VPS37A: variants seen among roughly 807,000 people sequenced by gnomAD.
VPS37A encodes the protein VPS37A subunit of ESCRT-I.
A neutral mutation model predicts 49.8 loss-of-function variants in VPS37A; 30 were observed. The observed-to-expected ratio is 0.60, with a 90% CI of 0.45 to 0.82. The LOEUF is 0.82. VPS37A is among the 40% of genes least tolerant of loss of function. The pLI, the probability that VPS37A is intolerant of heterozygous loss-of-function variation, is 0.00. For synonymous variants in VPS37A, 195 were observed against 160.6 expected, an observed-to-expected ratio of 1.21 and a Z score of -1.62; for missense variants, 593 against 464.4, an observed-to-expected ratio of 1.28 and a Z score of -2.55.
chr8:17,247,233 G>A lies in VPS37A; in HGVS notation c.-12G>A. The A allele has an allele frequency of 6.4e-7, 1 of 1,566,342 alleles. No homozygotes were observed. Among genetic ancestry groups the A allele is most frequent in the South Asian group, 1.2e-5 (1 of 85,144 alleles). On this transcript the variant is annotated 5_prime_UTR_variant, in exon 1 of 12. Coordinates refer to ENST00000324849, the MANE Select transcript of VPS37A (RefSeq NM_152415.3). ...AGCCTTCCAGGGCCTCCGGCCCGTG[G>A]ACCCGAGGAGGATGAGCTGGCTTTT...
chr8:17,296,063 A>AAACT lies in VPS37A; in HGVS notation c.*1080_*1083dup, dbSNP rs1816604555. The AAACT allele has an allele frequency of 6.6e-6, 1 of 152,230 alleles. No homozygotes were observed. The highest frequency in any genetic ancestry group is 2.4e-5 in the African/African-American group (1 of 41,454). 9.4% of individuals were successfully genotyped at this position (152,230 alleles called of 1,614,324 possible). On this transcript the variant is annotated 3_prime_UTR_variant, in exon 12 of 12. Coordinates refer to ENST00000324849, the MANE Select transcript of VPS37A (RefSeq NM_152415.3). ...TAAGGTGCCATCTAAATTACAAAAC[A>AAACT]AACTAATGCATAATTTTGCTTAAAT...
downstream of VPS37A, chr8:17,300,148 G>T (rs1447571023): frequency 6.2e-7 from 1 of 1,614,004 alleles, no homozygotes; most frequent in Non-Finnish European, 8.5e-7. Flanking sequence ...AGAAAACCCT[G>T]AGTGCTTGCT....
intron 1 of VPS37A, among the ~76,000 whole-genome samples, chr8:17,252,694 T>C (rs1365532644): frequency 1.3e-5 from 2 of 152,190 alleles, no homozygotes; most frequent in East Asian, 3.9e-4. Flanking sequence ...TTCACTAGTT[T>C]GCAATTCACT....
At chr8:17,275,941 C>CCTCAAGGAT (rs1479818652) in intron 5 of VPS37A, among the ~76,000 whole-genome samples, 2 of 152,096 alleles carry the variant, frequency 1.3e-5, no homozygotes, top group Admixed American at 1.3e-4. Context: ...TTTCAAGGGT[C>CCTCAAGGAT]CTCAAGGATA....
intron 9 of VPS37A, among the ~76,000 whole-genome samples, chr8:17,282,157 T>G (rs970039186): frequency 6.6e-6 from 1 of 152,078 alleles, no homozygotes; most frequent in Non-Finnish European, 1.5e-5. Flanking sequence ...TAAATCCTCA[T>G]TATTTAAAAC....
chr8:17,305,795 G>C, downstream of VPS37A: 3 of 1,613,532 alleles, frequency 1.9e-6, no homozygotes, highest in Non-Finnish European at 8.5e-7. Context: ...TACATAGGAA[G>C]TTTCCAAACT....
At chr8:17,262,276 T>G (rs1365155714) in intron 1 of VPS37A, among the ~76,000 whole-genome samples, 1 of 152,180 alleles carries the variant, frequency 6.6e-6, no homozygotes, top group Non-Finnish European at 1.5e-5. Flanking sequence ...TCTGTGACAT[T>G]AAGTGAAGCC....
At chr8:17,266,304 T>C (rs1411531017) in intron 2 of VPS37A, among the ~76,000 whole-genome samples, 1 of 152,162 alleles carries the variant, frequency 6.6e-6, no homozygotes, top group East Asian at 1.9e-4. Context: ...GTTATATATA[T>C]AAAGCCGTTA....
At chr8:17,305,977 A>G, downstream of VPS37A, 1 of 1,575,686 alleles carries the variant, frequency 6.3e-7, no homozygotes, top group South Asian at 1.1e-5. Flanking sequence ...AAAGCATTAG[A>G]GACTTTTTAA....
chr8:17,302,327 A>C, downstream of VPS37A: 1 of 1,571,184 alleles, frequency 6.4e-7, no homozygotes, highest in Admixed American at 1.9e-5. Flanking sequence ...TCACAGTCTG[A>C]AAATTCACAT....
intron 4 of VPS37A, among the ~76,000 whole-genome samples, chr8:17,270,969 A>G (rs1293200037): frequency 6.6e-6 from 1 of 152,204 alleles, no homozygotes; most frequent in Non-Finnish European, 1.5e-5. Flanking sequence ...CACCCACTGT[A>G]CAATGGTAGA....
At chr8:17,304,617 C>G, downstream of VPS37A, 3 of 1,297,446 alleles carry the variant, frequency 2.3e-6, no homozygotes, top group South Asian at 1.4e-5. Flanking sequence ...TAATTGTTAC[C>G]TGAAAACCAC....
At chr8:17,311,918 G>A in the VPS37A span, 6 of 314,378 alleles carry the variant, frequency 1.9e-5, no homozygotes, top group East Asian at 1.2e-4. Flanking sequence ...CTATGCAAAC[G>A]GACCTTCAAC....
the VPS37A span, among the ~76,000 whole-genome samples, chr8:17,319,314 C>A: frequency 6.6e-6 from 1 of 152,198 alleles, no homozygotes; most frequent in Non-Finnish European, 1.5e-5. Context: ...AAGCATTACA[C>A]TGGCATAAAG....
At chr8:17,324,059 GCTTTGA>G in the VPS37A span, among the ~76,000 whole-genome samples, 1 of 152,186 alleles carries the variant, frequency 6.6e-6, no homozygotes, top group Non-Finnish European at 1.5e-5. Context: ...AAACGCTTTG[GCTTTGA>G]CATCCAGTTA....
intron 6 of VPS37A, among the ~76,000 whole-genome samples, chr8:17,277,818 TC>T (rs1265022762): frequency 6.6e-6 from 1 of 151,370 alleles, no homozygotes; most frequent in Non-Finnish European, 1.5e-5. Context: ...TCTCTTAAGT[TC>T]CTTTTAATAA....
At chr8:17,265,510 C>A (rs1428082979) in intron 1 of VPS37A, among the ~76,000 whole-genome samples, 2 of 152,198 alleles carry the variant, frequency 1.3e-5, no homozygotes, top group Non-Finnish European at 2.9e-5. Context: ...TGTTAAGACC[C>A]AGACTTCCCC....
At chr8:17,276,579 A>G (rs1026108916) in intron 6 of VPS37A, 112 bp downstream of exon 6, 1 of 1,063,564 alleles carries the variant, frequency 9.4e-7, no homozygotes, top group Non-Finnish European at 1.3e-6. Context: ...CTAATCCTAA[A>G]CAATATTGTT....
chr8:17,306,927 T>C (rs887269047), downstream of VPS37A, among the ~76,000 whole-genome samples: 50 of 151,986 alleles, frequency 3.3e-4, no homozygotes, highest in Non-Finnish European at 3.4e-4. Context: ...CCTAAAACTA[T>C]AAAAAACCCT....
Sources: allele counts gnomAD v4.1 joint callset (sites outside exome capture counted in the v4.1 genomes callset), GRCh38; gene constraint gnomAD v4.1.1; transcripts MANE v1.5; gene names NCBI Gene and HGNC (gene_info 2026-07-23, HGNC 2026-07-21).